The following TAFA1 variants were observed in gnomAD, a reference collection of about 807,000 sequenced individuals.
TAFA1 encodes the protein TAFA chemokine like family member 1.
A neutral mutation model predicts 18.5 loss-of-function variants in TAFA1; 4 were observed. The observed-to-expected ratio is 0.22, with a 90% CI of 0.11 to 0.49. The LOEUF (loss-of-function observed/expected upper bound fraction) is 0.49, where lower values mean the gene tolerates loss of function less well. TAFA1 is among the 20% of genes least tolerant of loss of function. TAFA1 has a pLI of 0.98. For synonymous variants in TAFA1, 56 were observed against 55.2 expected (o/e 1.01, Z -0.06); for missense variants, 147 against 169.0 (o/e 0.87, Z 0.72).
At chr3:68,384,209 G>A (rs1022717180) in intron 2 of TAFA1, among the ~76,000 whole-genome samples, 1 of 151,794 alleles carries the variant, frequency 6.6e-6, no homozygotes, top group African/African-American at 2.4e-5. Flanking sequence ...GTTATTTCTT[G>A]TCTTCTGCTA....
intron 2 of TAFA1, among the ~76,000 whole-genome samples, chr3:68,013,269 G>A (rs1165531373): frequency 6.6e-6 from 1 of 152,096 alleles, no homozygotes; most frequent in Non-Finnish European, 1.5e-5. Context: ...ACATATGGAT[G>A]TATGTGCATT....
At chr3:68,039,620 T>C (rs1012712215) in intron 2 of TAFA1, among the ~76,000 whole-genome samples, 1 of 152,186 alleles carries the variant, frequency 6.6e-6, no homozygotes, top group Non-Finnish European at 1.5e-5. Flanking sequence ...CTTATATTTC[T>C]TACTATTTTA....
chr3:68,096,790 A>G (rs2065092100), intron 2 of TAFA1, among the ~76,000 whole-genome samples: 1 of 152,158 alleles, frequency 6.6e-6, no homozygotes, highest in Admixed American at 6.6e-5. Context: ...ACACATGCAC[A>G]CACACCCTGC....
At chr3:68,090,340 T>C (rs776578848) in intron 2 of TAFA1, among the ~76,000 whole-genome samples, 54 of 152,206 alleles carry the variant, frequency 3.5e-4, no homozygotes, top group Non-Finnish European at 6.5e-4. Context: ...CCTCTAATGG[T>C]ACCATCCTGT....
chr3:68,374,018 C>A lies in TAFA1; in HGVS notation c.119-43262C>A, dbSNP rs1575814383. ...AATTTATTATAAGGAAATACAATGT[C>A]TCCCGGAACCTGAGGGCAGGAATGC... On this transcript the variant is annotated intron_variant, in intron 2 of 4. Coordinates refer to ENST00000478136, the MANE Select transcript of TAFA1 (RefSeq NM_213609.4). Among the ~76,000 whole-genome samples, 4 of 152,266 alleles carry A rather than the reference C, an allele frequency of 2.6e-5. No homozygotes were observed. In the South Asian group the frequency reaches 8.3e-4, roughly 32 times the overall value.
At position 68,435,482 on chromosome 3, in the gene TAFA1, G is replaced by A. The variant is rs1277476136; in HGVS notation, c.259+18062G>A. Among the ~76,000 whole-genome samples, 5 of 152,142 alleles carry A rather than the reference G, an allele frequency of 3.3e-5. No individual in the cohort carries two copies. The South Asian group carries it at 6.2e-4, about 19-fold the overall frequency. On this transcript the variant is annotated intron_variant, in intron 3 of 4. Transcript: ENST00000478136. ...CTGTGTTTGGATGTCTCACTACATA[G>A]CACAGGAATTAAATTGTTTCTAGTA...
intron 3 of TAFA1, among the ~76,000 whole-genome samples, chr3:68,449,712 C>T (rs971413956): frequency 4.6e-5 from 7 of 152,118 alleles, no homozygotes; most frequent in African/African-American, 1.7e-4. Flanking sequence ...CTCCCCACTT[C>T]CTGTTTCCTT....
At chr3:68,468,077 A>G (rs1482620421) in intron 3 of TAFA1, among the ~76,000 whole-genome samples, 4 of 152,228 alleles carry the variant, frequency 2.6e-5, no homozygotes, top group Non-Finnish European at 1.5e-5. Context: ...CTTCCAGGGC[A>G]CAAATCACAT....
At chr3:68,083,157 A>C (rs1027711129) in intron 2 of TAFA1, among the ~76,000 whole-genome samples, 1 of 152,184 alleles carries the variant, frequency 6.6e-6, no homozygotes, top group Non-Finnish European at 1.5e-5. Context: ...TGTCATGCAC[A>C]TATCAAATGA....
intron 2 of TAFA1, among the ~76,000 whole-genome samples, chr3:68,345,149 G>C (rs2069145065): frequency 6.6e-6 from 1 of 152,110 alleles, no homozygotes; most frequent in Admixed American, 6.5e-5. Flanking sequence ...TCCTGGAAGA[G>C]ATCACCATTT....
chr3:68,502,895 A>G (rs2072681800), intron 3 of TAFA1, among the ~76,000 whole-genome samples: 1 of 152,160 alleles, frequency 6.6e-6, no homozygotes, highest in South Asian at 2.1e-4. Flanking sequence ...TCACAGCAGC[A>G]CTATTCATAA....
At chr3:68,475,551 G>A (rs950464523) in intron 3 of TAFA1, among the ~76,000 whole-genome samples, 1 of 152,156 alleles carries the variant, frequency 6.6e-6, no homozygotes, top group Non-Finnish European at 1.5e-5. Context: ...TCTTAATCCA[G>A]TCTATCATTG....
At chr3:68,079,826 G>A (rs190313653) in intron 2 of TAFA1, among the ~76,000 whole-genome samples, 58 of 152,256 alleles carry the variant, frequency 3.8e-4, no homozygotes, top group Admixed American at 2.5e-3. Context: ...ATGTCTATTA[G>A]GTCGGCTTGG....
At chr3:68,381,670 G>A (rs1220358665) in intron 2 of TAFA1, among the ~76,000 whole-genome samples, 1 of 152,154 alleles carries the variant, frequency 6.6e-6, no homozygotes, top group African/African-American at 2.4e-5. Flanking sequence ...GAGATTTTGG[G>A]CTGAGAAGAT....
At chr3:68,161,610 G>A (rs7356023) in intron 2 of TAFA1, among the ~76,000 whole-genome samples, 1 of 152,108 alleles carries the variant, frequency 6.6e-6, no homozygotes. Context: ...TAATCTTTAA[G>A]GTAGGCAGGA....
chr3:68,034,239 T>C (rs1704998634), intron 2 of TAFA1, among the ~76,000 whole-genome samples: 1 of 152,192 alleles, frequency 6.6e-6, no homozygotes, highest in African/African-American at 2.4e-5. Context: ...AATGCTTCCT[T>C]TACTTGCTAT....
chr3:68,395,250 T>A (rs62245799), intron 2 of TAFA1, among the ~76,000 whole-genome samples: 4 of 151,964 alleles, frequency 2.6e-5, no homozygotes, highest in Non-Finnish European at 4.4e-5. Context: ...AGATACCATC[T>A]CAACCAGTTA....
intron 2 of TAFA1, among the ~76,000 whole-genome samples, chr3:68,120,601 T>C (rs2065387206): frequency 6.6e-6 from 1 of 152,156 alleles, no homozygotes; most frequent in African/African-American, 2.4e-5. Context: ...GTTACAGAGA[T>C]GATACAGCCT....
At chr3:68,248,073 G>C (rs1306937540) in intron 2 of TAFA1, among the ~76,000 whole-genome samples, 3 of 152,128 alleles carry the variant, frequency 2.0e-5, no homozygotes, top group East Asian at 1.9e-4. Context: ...GACTGTTGGG[G>C]GAAAATTCTC....
Sources: allele counts gnomAD v4.1 joint callset (sites outside exome capture counted in the v4.1 genomes callset), GRCh38; gene constraint gnomAD v4.1.1; transcripts MANE v1.5; gene names NCBI Gene and HGNC (gene_info 2026-07-23, HGNC 2026-07-21).